TMEM242: variants seen among roughly 807,000 people sequenced by gnomAD.
TMEM242 encodes transmembrane protein 242.
A neutral mutation model predicts 18.2 loss-of-function variants in TMEM242; 10 were observed. The ratio of observed to expected loss-of-function variants is 0.55; its 90% CI spans 0.34 to 0.93. The LOEUF (loss-of-function observed/expected upper bound fraction) is 0.93. Among genes scored for constraint, TMEM242 ranks in the 40% least tolerant of loss-of-function variants. The pLI is 0.02. For missense variants in TMEM242, 186 were observed against 175.5 expected, an observed-to-expected ratio of 1.06 and a Z score of -0.34; for synonymous variants, 57 against 69.9, an observed-to-expected ratio of 0.81 and a Z score of 0.92.
intron 3 of TMEM242, among the ~76,000 whole-genome samples, chr6:157,298,647 A>G (rs1249444183): frequency 6.6e-6 from 1 of 152,240 alleles, no homozygotes; most frequent in Admixed American, 6.5e-5. Context: ...TTATTTTTAC[A>G]TTGTAGAGGA....
At chr6:157,313,352 G>C (rs374214495) in intron 3 of TMEM242, among the ~76,000 whole-genome samples, 31 of 5,048 alleles carry the variant, frequency 6.1e-3, no homozygotes, top group South Asian at 0.015. Context: ...CCCAGTGTGC[G>C]CTCACCTGGC....
chr6:157,310,315 G>C (rs1328640197), intron 3 of TMEM242, among the ~76,000 whole-genome samples: 8 of 70,738 alleles, frequency 1.1e-4, no homozygotes, highest in Admixed American at 4.8e-4. Context: ...TACCTCAACT[G>C]TTCTCCAAAC....
rs782680602 is a variant in TMEM242, at chr6:157,323,418, C to T, written c.82G>A (p.Val28Ile). The T allele has an allele frequency of 4.3e-6, 7 of 1,613,988 alleles. No individual in the cohort carries two copies. In the East Asian group the frequency reaches 8.9e-5, roughly 21 times the overall value. Reference sequence around the variant, plus strand: ...TCACCACAGCACATCTTACCTTTAACCAGGAAAAGCCGGTCATTCGTGGAC... The same window carrying T: ...TCACCACAGCACATCTTACCTTTAATCAGGAAAAGCCGGTCATTCGTGGAC... ...PGSTNDRLFL[V>I]KGGIFLGTVA... The change falls in exon 1 of 4, where the codon GTT becomes ATT. Residue 28 changes from valine to isoleucine, a missense_variant. Coordinates refer to ENST00000400788, the MANE Select transcript of TMEM242 (RefSeq NM_018452.6).
At chr6:157,300,035 C>T (rs763360510) in intron 3 of TMEM242, 13 of 933,128 alleles carry the variant, frequency 1.4e-5, no homozygotes, top group African/African-American at 9.8e-5. Context: ...GAGCGGCATG[C>T]GCGCTGCCTG....
chr6:157,322,653 C>T (rs961405357), intron 2 of TMEM242, 52 bp downstream of exon 2: 6 of 1,482,712 alleles, frequency 4.0e-6, no homozygotes, highest in Non-Finnish European at 4.6e-6. Context: ...GCAAAAGCTG[C>T]CATATATTGT....
At chr6:157,322,498 G>A (rs140129532) in intron 2 of TMEM242, among the ~76,000 whole-genome samples, 2 of 152,210 alleles carry the variant, frequency 1.3e-5, no homozygotes, top group Admixed American at 6.5e-5. Context: ...GTCTTGTTCC[G>A]CTAAAATTTA....
At chr6:157,302,844 T>C (rs1467117212) in intron 3 of TMEM242, among the ~76,000 whole-genome samples, 1 of 152,222 alleles carries the variant, frequency 6.6e-6, no homozygotes, top group East Asian at 1.9e-4. Flanking sequence ...TACTTTCGGT[T>C]GTACCACTTA....
chr6:157,297,343 G>A (rs1460584084), intron 3 of TMEM242, among the ~76,000 whole-genome samples: 2 of 152,164 alleles, frequency 1.3e-5, no homozygotes, highest in African/African-American at 4.8e-5. Flanking sequence ...AAAACATTTG[G>A]TCTAATATAC....
chr6:157,309,766 A>C (rs1393206713), intron 3 of TMEM242, among the ~76,000 whole-genome samples: 2 of 145,736 alleles, frequency 1.4e-5, no homozygotes, highest in Non-Finnish European at 3.1e-5. Context: ...TTAATTTAAA[A>C]ATTTAAATAA....
intron 3 of TMEM242, among the ~76,000 whole-genome samples, chr6:157,312,359 C>CCCCAGTGTGCGCTCACCTAG (rs1778176969): frequency 4.0e-5 from 3 of 74,272 alleles, no homozygotes; most frequent in African/African-American, 1.6e-4. Context: ...CTCATCATGT[C>CCCCAGTGTGCGCTCACCTAG]CCAGTGTGCA....
chr6:157,309,088 T>C (rs993923927), intron 3 of TMEM242, among the ~76,000 whole-genome samples: 2 of 152,216 alleles, frequency 1.3e-5, no homozygotes, highest in Non-Finnish European at 2.9e-5. Context: ...GAGATTGATA[T>C]ACTCTGCTGT....
intron 3 of TMEM242, among the ~76,000 whole-genome samples, chr6:157,307,175 G>A (rs1175640716): frequency 6.6e-6 from 1 of 152,202 alleles, no homozygotes; most frequent in Non-Finnish European, 1.5e-5. Flanking sequence ...TATTTAGAGA[G>A]ATCTGCTCAT....
intron 3 of TMEM242, among the ~76,000 whole-genome samples, chr6:157,314,967 G>A (rs1554250198): frequency 6.6e-6 from 1 of 152,184 alleles, no homozygotes; most frequent in East Asian, 1.9e-4. Context: ...GTTTCTATCA[G>A]AGATTCAATT....
Position 157,291,444 on chromosome 6 carries a change from T to C in TMEM242, c.*1457A>G, listed in dbSNP as rs1583553535. Reference sequence around the variant, plus strand: ...TCAGAGGAACCTAGATTCAGACTAATTGTATGGACGAAAACCTGTTCCTTT... The same window carrying C: ...TCAGAGGAACCTAGATTCAGACTAACTGTATGGACGAAAACCTGTTCCTTT... On this transcript the variant is annotated 3_prime_UTR_variant, in exon 4 of 4. Transcript: ENST00000400788. The C allele has an allele frequency of 6.6e-6, 1 of 152,222 alleles. No individual in the cohort carries two copies. Among genetic ancestry groups the C allele is most frequent in the Non-Finnish European group, 1.5e-5 (1 of 68,038 alleles). The allele number at this position is 152,222 out of a possible 1,614,324, so 9.4% of individuals were successfully genotyped here. A position where few individuals can be genotyped will look rare whatever the true frequency, so the allele number is the denominator to read the frequency against.
rs1777683152 is a variant in TMEM242 at position 157,291,439 on chromosome 6, A to G, written c.*1462T>C. On this transcript the variant is annotated 3_prime_UTR_variant, in exon 4 of 4. Coordinates refer to ENST00000400788, the MANE Select transcript of TMEM242 (RefSeq NM_018452.6). Reference sequence around the variant, plus strand: ...TCTATTCAGAGGAACCTAGATTCAGACTAATTGTATGGACGAAAACCTGTT... The same window carrying G: ...TCTATTCAGAGGAACCTAGATTCAGGCTAATTGTATGGACGAAAACCTGTT... 1 of 152,254 alleles carries G rather than the reference A, an allele frequency of 6.6e-6. No individual in the cohort carries two copies. The highest frequency in any genetic ancestry group is 2.4e-5 in the African/African-American group (1 of 41,470). 9.4% of individuals were successfully genotyped at this position (152,254 alleles called of 1,614,324 possible).
At chr6:157,304,376 A>G (rs1777875638) in intron 3 of TMEM242, among the ~76,000 whole-genome samples, 1 of 149,088 alleles carries the variant, frequency 6.7e-6, no homozygotes, top group Admixed American at 6.7e-5. Context: ...GAGGCAGGAA[A>G]ATTGCTTGAA....
chr6:157,321,931 A>G (rs953135367), intron 2 of TMEM242, among the ~76,000 whole-genome samples: 3 of 152,242 alleles, frequency 2.0e-5, no homozygotes, highest in Non-Finnish European at 1.5e-5. Context: ...AGGAAGCTCC[A>G]TATAAGCTTA....
chr6:157,323,358 A>C, intron 1 of TMEM242, 54 bp downstream of exon 1: 1 of 1,575,798 alleles, frequency 6.3e-7, no homozygotes, highest in South Asian at 1.1e-5. Context: ...AGAGCAAGCC[A>C]GGGTCCGGGG....
chr6:157,313,076 A>C (rs62425603), intron 3 of TMEM242, among the ~76,000 whole-genome samples: 5 of 19,254 alleles, frequency 2.6e-4, no homozygotes, highest in African/African-American at 7.9e-4. Flanking sequence ...GGGTCCCAGT[A>C]TGCACTCACC....
Sources: allele counts gnomAD v4.1 joint callset (sites outside exome capture counted in the v4.1 genomes callset), GRCh38; gene constraint gnomAD v4.1.1; transcripts MANE v1.5; gene names NCBI Gene and HGNC (gene_info 2026-07-23, HGNC 2026-07-21).